The following E2F3 variants were observed in gnomAD, a reference collection of about 807,000 sequenced individuals.
E2F3 encodes the protein transcription factor E2F3.
In E2F3, 11 loss-of-function variants were observed where a neutral mutation model predicts 44.4. The ratio of observed to expected loss-of-function variants is 0.25; its 90% CI spans 0.16 to 0.41. The LOEUF (loss-of-function observed/expected upper bound fraction) is 0.41, where lower values mean the gene tolerates loss of function less well. E2F3 is among the 10% of genes least tolerant of loss of function. The probability of loss-of-function intolerance (pLI) is 1.00; values close to 1 mark genes in which losing one functional copy is unlikely to be tolerated. For synonymous variants in E2F3, 249 were observed against 253.0 expected (o/e 0.98, Z 0.15); for missense variants, 487 against 583.6 (o/e 0.83, Z 1.70).
intron 1 of E2F3, among the ~76,000 whole-genome samples, chr6:20,449,242 T>C (rs1168740170): frequency 2.0e-5 from 3 of 152,226 alleles, no homozygotes; most frequent in African/African-American, 4.8e-5. Context: ...AATTTGAAAA[T>C]CTTGCTGTGC....
At chr6:20,446,433 C>G (rs1164796100) in intron 1 of E2F3, among the ~76,000 whole-genome samples, 2 of 152,194 alleles carry the variant, frequency 1.3e-5, no homozygotes, top group African/African-American at 4.8e-5. Flanking sequence ...AGTGCCTACA[C>G]GGCACATAAG....
intron 1 of E2F3, among the ~76,000 whole-genome samples, chr6:20,410,719 G>C (rs1020607140): frequency 6.6e-6 from 1 of 152,116 alleles, no homozygotes; most frequent in Non-Finnish European, 1.5e-5. Context: ...CCTGGGTTCA[G>C]CCGATTCTCC....
At chr6:20,457,222 T>A (rs190797795) in intron 1 of E2F3, among the ~76,000 whole-genome samples, 41 of 152,170 alleles carry the variant, frequency 2.7e-4, no homozygotes, top group Non-Finnish European at 4.9e-4. Flanking sequence ...TTGCCCAGGC[T>A]GGAGTACAGT....
intron 4 of E2F3, among the ~76,000 whole-genome samples, chr6:20,484,665 C>T (rs755816399): frequency 1.3e-5 from 2 of 152,182 alleles, no homozygotes; most frequent in East Asian, 1.9e-4. Context: ...ACTGAATTAG[C>T]CATCATCTCA....
At chr6:20,423,746 G>T (rs1033279858) in intron 1 of E2F3, among the ~76,000 whole-genome samples, 3 of 150,850 alleles carry the variant, frequency 2.0e-5, no homozygotes, top group Non-Finnish European at 2.9e-5. Context: ...TGGGATTACA[G>T]GTGTGAGCCA....
intron 1 of E2F3, among the ~76,000 whole-genome samples, chr6:20,454,005 C>T (rs1277487413): frequency 6.6e-6 from 1 of 152,248 alleles, no homozygotes; most frequent in South Asian, 2.1e-4. Context: ...GGAATGTTAA[C>T]ATTTTGCCTC....
At chr6:20,407,843 CA>C (rs1248069778) in intron 1 of E2F3, among the ~76,000 whole-genome samples, 1 of 152,250 alleles carries the variant, frequency 6.6e-6, no homozygotes, top group African/African-American at 2.4e-5. Flanking sequence ...TTCCTACTAA[CA>C]GCTGTAACTA....
intron 1 of E2F3, among the ~76,000 whole-genome samples, chr6:20,412,922 C>T (rs188226779): frequency 2.6e-5 from 4 of 152,304 alleles, no homozygotes; most frequent in East Asian, 1.9e-4. Flanking sequence ...ATCGAGTGCC[C>T]GCATGTATCG....
At chr6:20,427,429 G>C (rs1333517880) in intron 1 of E2F3, among the ~76,000 whole-genome samples, 2 of 152,186 alleles carry the variant, frequency 1.3e-5, no homozygotes, top group African/African-American at 4.8e-5. Flanking sequence ...GGCCAGGGCA[G>C]GGGTTACATT....
At position 20,493,270 on chromosome 6, in the gene E2F3, A is replaced by C. The variant is rs1055243409; in HGVS notation, c.*2840A>C. 4.4e-6 allele frequency: 1 copy of C among 225,346 alleles called. No homozygotes were observed. Among genetic ancestry groups the C allele is most frequent in the African/African-American group, 2.2e-5 (1 of 44,852 alleles). The allele number at this position is 225,346 out of a possible 1,614,324, so 14.0% of individuals were successfully genotyped here. On this transcript the variant is annotated 3_prime_UTR_variant, in exon 7 of 7. Transcript: ENST00000346618. ...GTTTTCATTTTTGTTGTACGTGTAG[A>C]TCTGTAAATAAAATTGCAGTATTTA...
intron 1 of E2F3, among the ~76,000 whole-genome samples, chr6:20,436,181 A>G (rs1014128656): frequency 1.3e-5 from 2 of 152,030 alleles, no homozygotes; most frequent in Non-Finnish European, 2.9e-5. Context: ...AGGTTTCACC[A>G]TGTTGGCCAG....
In E2F3 at chr6:20,492,943, C is replaced by T. The variant is rs1042771056; in HGVS notation, c.*2513C>T. On this transcript the variant is annotated 3_prime_UTR_variant, in exon 7 of 7. Transcript: ENST00000346618. ...AGTTGCTGCTATTAAAGCTCACACA[C>T]GAAATGGCTAAAAGTTACAAGTGTG... is the stretch of plus-strand genomic sequence containing the variant. 14 of 215,950 alleles carry T rather than the reference C, an allele frequency of 6.5e-5. No individual in the cohort carries two copies. The highest frequency in any genetic ancestry group is 2.0e-4 in the African/African-American group (9 of 44,330). 13.4% of individuals were successfully genotyped at this position (215,950 alleles called of 1,614,324 possible). A position where few individuals can be genotyped will look rare whatever the true frequency, so the allele number is the denominator to read the frequency against.
chr6:20,417,507 CTT>C (rs1467007519), intron 1 of E2F3, among the ~76,000 whole-genome samples: 1 of 150,068 alleles, frequency 6.7e-6, no homozygotes, highest in Non-Finnish European at 1.5e-5. Flanking sequence ...AAGTTAGTAA[CTT>C]TTTAAAAAAT....
At chr6:20,434,002 A>G (rs1270021854) in intron 1 of E2F3, among the ~76,000 whole-genome samples, 1 of 152,166 alleles carries the variant, frequency 6.6e-6, no homozygotes, top group Non-Finnish European at 1.5e-5. Flanking sequence ...TGGAAGTTTG[A>G]GAGAGATACT....
chr6:20,486,877 A>G, intron 5 of E2F3, 74 bp downstream of exon 5: 1 of 955,390 alleles, frequency 1.0e-6, no homozygotes, highest in East Asian at 2.5e-5. Context: ...TCATTGACTC[A>G]TAGTTAAAGT....
chr6:20,479,409 CAG>C (rs1762147977), intron 1 of E2F3, among the ~76,000 whole-genome samples: 2 of 152,198 alleles, frequency 1.3e-5, no homozygotes, highest in East Asian at 1.9e-4. Context: ...CAAATAAACA[CAG>C]AGTGTTTGGG....
chr6:20,478,483 T>TA (rs750337727), intron 1 of E2F3, among the ~76,000 whole-genome samples: 58 of 152,164 alleles, frequency 3.8e-4, no homozygotes, highest in Non-Finnish European at 3.4e-4. Context: ...AGTTATTACT[T>TA]ACGTTTTCAC....
At chr6:20,417,687 A>G (rs1759893372) in intron 1 of E2F3, among the ~76,000 whole-genome samples, 1 of 152,052 alleles carries the variant, frequency 6.6e-6, no homozygotes, top group East Asian at 1.9e-4. Context: ...TAACCTGTCC[A>G]TTTAACAGCT....
intron 1 of E2F3, among the ~76,000 whole-genome samples, chr6:20,439,371 G>GGGA (rs944801057): frequency 2.0e-5 from 3 of 152,146 alleles, no homozygotes; most frequent in Admixed American, 6.5e-5. Flanking sequence ...CTGCTCTTTA[G>GGGA]GGAGGAGGAG....
Sources: gnomAD v4.1 joint callset for allele counts (sites outside exome capture counted in the v4.1 genomes callset) on GRCh38, gnomAD v4.1.1 for gene constraint, MANE v1.5 for transcripts, NCBI Gene and HGNC (gene_info 2026-07-23, HGNC 2026-07-21) for gene names.